The following PTPRT variants were observed in gnomAD, a reference collection of about 807,000 sequenced individuals.
PTPRT encodes the protein protein tyrosine phosphatase receptor type T, also known as receptor-type tyrosine-protein phosphatase T.
In PTPRT, 56 loss-of-function variants were observed where a neutral mutation model predicts 176.8. That is an observed-to-expected ratio of 0.32 (90% CI 0.26 to 0.40). PTPRT has a LOEUF of 0.40. PTPRT is among the 10% of genes least tolerant of loss of function. PTPRT has a pLI of 1.00. For synonymous variants in PTPRT, 783 were observed against 739.0 expected, an observed-to-expected ratio of 1.06 and a Z score of -0.96; for missense variants, 1,540 against 1,908.2, an observed-to-expected ratio of 0.81 and a Z score of 3.60.
At chr20:42,197,790 A>G (rs1307099561) in intron 16 of PTPRT, among the ~76,000 whole-genome samples, 1 of 152,088 alleles carries the variant, frequency 6.6e-6, no homozygotes, top group Non-Finnish European at 1.5e-5. Context: ...AAAAGTGCAA[A>G]TGTTGCAAAA....
rs1982621766 is a variant in PTPRT at position 42,074,870 on chromosome 20, T to TA, written c.*6008_*6009insT. 1.5e-5 allele frequency: 6 copies of TA among 398,554 alleles called. No individual in the cohort carries two copies. Among genetic ancestry groups the TA allele is most frequent in the Admixed American group, 4.4e-5 (1 of 22,718 alleles). 24.7% of individuals were successfully genotyped at this position (398,554 alleles called of 1,614,324 possible). ...TCAGTGCCATGCAAAAGCCCATCCC[T>TA]GGTTACTAAAAAACTAGAAGAGTCT... On this transcript the variant is annotated 3_prime_UTR_variant, in exon 31 of 31. Transcript: ENST00000373187.
chr20:42,492,178 GT>G (rs966044597), intron 7 of PTPRT, among the ~76,000 whole-genome samples: 3 of 152,178 alleles, frequency 2.0e-5, no homozygotes, highest in Non-Finnish European at 2.9e-5. Context: ...GTGAACATGA[GT>G]TTTTGCTTCC....
At chr20:43,188,762 G>GGGGGCC (rs1568834816) in intron 1 of PTPRT, among the ~76,000 whole-genome samples, 5 of 129,142 alleles carry the variant, frequency 3.9e-5, no homozygotes, top group Admixed American at 7.7e-5. Flanking sequence ...GGGGGGGGGG[G>GGGGGCC]CTCGGGGGTG....
At chr20:42,373,681 A>T (rs2058616474) in intron 9 of PTPRT, among the ~76,000 whole-genome samples, 1 of 152,218 alleles carries the variant, frequency 6.6e-6, no homozygotes, top group Admixed American at 6.5e-5. Context: ...CCCTGACCAC[A>T]ATTCTGTGTA....
intron 2 of PTPRT, among the ~76,000 whole-genome samples, chr20:42,874,726 A>G (rs1319071946): frequency 2.0e-5 from 3 of 152,320 alleles, no homozygotes; most frequent in Non-Finnish European, 4.4e-5. Context: ...TAAGGGTGAT[A>G]ATAACATCCA....
At chr20:42,376,726 C>T (rs2058652578) in intron 9 of PTPRT, among the ~76,000 whole-genome samples, 1 of 151,858 alleles carries the variant, frequency 6.6e-6, no homozygotes, top group Admixed American at 6.5e-5. Flanking sequence ...GCAAAGAATT[C>T]CAGACAGAAG....
chr20:42,633,401 A>C (rs2145897466), intron 7 of PTPRT, among the ~76,000 whole-genome samples: 1 of 152,214 alleles, frequency 6.6e-6, no homozygotes, highest in Middle Eastern at 3.4e-3. Flanking sequence ...ATAGTTTTTA[A>C]GAAATGTACA....
chr20:42,172,173 A>AT, intron 16 of PTPRT, among the ~76,000 whole-genome samples: 1 of 152,346 alleles, frequency 6.6e-6, no homozygotes, highest in South Asian at 2.1e-4. Context: ...ACTTCTTGAG[A>AT]TAAAAAAACA....
At chr20:42,624,946 C>T (rs190494927) in intron 7 of PTPRT, among the ~76,000 whole-genome samples, 2 of 152,294 alleles carry the variant, frequency 1.3e-5, no homozygotes, top group Admixed American at 6.5e-5. Context: ...CCAGAGGTAC[C>T]ACAGTCAAGT....
rs555288202 is a variant in PTPRT, at chr20:42,604,319, C to T, written c.1153+73547G>A. ...CCCTTCCTCTCTGTTAAAATAAATG[C>T]CTGTCACATTTGATACTCATCTGAA... is the stretch of plus-strand genomic sequence containing the variant. On this transcript the variant is annotated intron_variant, in intron 7 of 30. Transcript: ENST00000373187. Among the ~76,000 whole-genome samples the T allele has an allele frequency of 3.9e-5, 6 of 152,236 alleles. No homozygotes were observed. In the South Asian group the frequency reaches 6.2e-4, roughly 16 times the overall value.
downstream of PTPRT, among the ~76,000 whole-genome samples, chr20:42,069,928 C>T (rs895975953): frequency 2.0e-5 from 3 of 152,134 alleles, no homozygotes; most frequent in Admixed American, 2.0e-4. Flanking sequence ...CCTGTGGGTG[C>T]CATGTCTCTA....
intron 13 of PTPRT, among the ~76,000 whole-genome samples, chr20:42,281,009 G>A (rs539656570): frequency 5.3e-5 from 8 of 152,042 alleles, no homozygotes; most frequent in African/African-American, 1.4e-4. Context: ...GAAAGCCACC[G>A]AGGAGCCATA....
intron 7 of PTPRT, among the ~76,000 whole-genome samples, chr20:42,497,898 A>G (rs1367534275): frequency 6.6e-6 from 1 of 152,124 alleles, no homozygotes; most frequent in Non-Finnish European, 1.5e-5. Flanking sequence ...TTTATTTACA[A>G]TGGTCCTTGT....
intron 5 of PTPRT, among the ~76,000 whole-genome samples, chr20:42,761,916 C>T (rs921888228): frequency 6.6e-6 from 1 of 152,172 alleles, no homozygotes; most frequent in Admixed American, 6.5e-5. Context: ...TAGTACTAAA[C>T]AGTACACAGC....
rs111637932 is a variant in PTPRT at position 42,162,939 on chromosome 20, C to T, written c.2492-1397G>A. ...TGGAAGGGAACACCTGACCTTCCTG[C>T]TTTCTAGGTGACCAACTTGTCCCAG... On this transcript the variant is annotated intron_variant, in intron 16 of 30. Coordinates refer to ENST00000373187, the MANE Select transcript of PTPRT (RefSeq NM_007050.6). Among the ~76,000 whole-genome samples, 1,132 of 152,334 alleles carry T rather than the reference C, an allele frequency of 7.4e-3. 13 individuals are homozygous for T. Among genetic ancestry groups the T allele is most frequent in the African/African-American group, 0.026 (1,071 of 41,572 alleles).
chr20:42,584,333 C>T (rs774659020), intron 7 of PTPRT, among the ~76,000 whole-genome samples: 2 of 152,180 alleles, frequency 1.3e-5, no homozygotes, highest in East Asian at 1.9e-4. Context: ...CATGGCTGAA[C>T]CTGCTCCAGC....
At chr20:42,244,420 G>A (rs1303574180) in intron 14 of PTPRT, among the ~76,000 whole-genome samples, 2 of 152,208 alleles carry the variant, frequency 1.3e-5, no homozygotes, top group African/African-American at 4.8e-5. Context: ...GCTGGACTAG[G>A]ACGAGCTGGG....
intron 7 of PTPRT, among the ~76,000 whole-genome samples, chr20:42,523,894 G>A (rs2072222308): frequency 6.6e-6 from 1 of 152,116 alleles, no homozygotes; most frequent in Non-Finnish European, 1.5e-5. Flanking sequence ...GTTGAGGCAG[G>A]AGGATCACTT....
chr20:42,856,921 G>A (rs1411646572), intron 2 of PTPRT, among the ~76,000 whole-genome samples: 1 of 152,124 alleles, frequency 6.6e-6, no homozygotes, highest in African/African-American at 2.4e-5. Context: ...AGCAACAGCT[G>A]GGGTGCAGTA....
Sources: allele counts gnomAD v4.1 joint callset (sites outside exome capture counted in the v4.1 genomes callset), GRCh38; gene constraint gnomAD v4.1.1; transcripts MANE v1.5; gene names NCBI Gene and HGNC (gene_info 2026-07-23, HGNC 2026-07-21).